PEAK1: variants seen among roughly 807,000 people sequenced by gnomAD.
The protein encoded by PEAK1 is inactive tyrosine-protein kinase PEAK1.
In PEAK1, 54 loss-of-function variants were observed where a neutral mutation model predicts 124.7. The observed-to-expected ratio is 0.43, with a 90% confidence interval of 0.35 to 0.54. The LOEUF is 0.54. PEAK1 is among the 20% of genes least tolerant of loss of function. The pLI is 0.01. For synonymous variants in PEAK1, 719 were observed against 760.0 expected, an observed-to-expected ratio of 0.95 and a Z score of 0.89; for missense variants, 2,046 against 2,134.5, an observed-to-expected ratio of 0.96 and a Z score of 0.82.
In PEAK1 at chr15:77,335,623, C is replaced by T. The variant is rs969133950; in HGVS notation, c.-603+29540G>A. On this transcript the variant is annotated intron_variant, in intron 2 of 9. Coordinates refer to ENST00000682557, the MANE Select transcript of PEAK1 (RefSeq NM_001385026.1). ...CCTCCTGAGTATCTAGGACTACAGGCGTGCACTACCACATGCAGCTAATTT... is the reference window on the plus strand; with the variant it reads ...CCTCCTGAGTATCTAGGACTACAGGTGTGCACTACCACATGCAGCTAATTT... 9.3e-5 allele frequency: 57 copies of T among 615,588 alleles called. No individual in the cohort carries two copies. The African/African-American group carries it at 1.0e-3, about 11-fold the overall frequency. 38.1% of individuals were successfully genotyped at this position (615,588 alleles called of 1,614,324 possible). A position where few individuals can be genotyped will look rare whatever the true frequency, so the allele number is the denominator to read the frequency against.
chr15:77,419,138 C>T (rs910985990), intron 1 of PEAK1: 3 of 985,396 alleles, frequency 3.0e-6, no homozygotes, highest in Non-Finnish European at 3.6e-6. Flanking sequence ...CTCTCAAATT[C>T]CTGAACTTGG....
downstream of PEAK1, chr15:77,104,213 A>G (rs1177706796): frequency 1.3e-5 from 2 of 152,302 alleles, no homozygotes; most frequent in Non-Finnish European, 2.9e-5. Flanking sequence ...TGTAGTGGAG[A>G]GCAAATGAGG....
intron 1 of PEAK1, among the ~76,000 whole-genome samples, chr15:77,377,499 C>CTGGA: frequency 6.7e-6 from 1 of 150,254 alleles, no homozygotes; most frequent in Non-Finnish European, 1.5e-5. Flanking sequence ...GTTGCCCAGG[C>CTGGA]TGGAGTACAA....
intron 6 of PEAK1, among the ~76,000 whole-genome samples, chr15:77,247,671 AG>A (rs1304519556): frequency 6.6e-6 from 1 of 151,566 alleles, no homozygotes; most frequent in Non-Finnish European, 1.5e-5. Context: ...CAGTAGAGAC[AG>A]GATTTCACCA....
chr15:77,381,832 AG>A (rs1451162744), intron 1 of PEAK1, among the ~76,000 whole-genome samples: 1 of 152,196 alleles, frequency 6.6e-6, no homozygotes, highest in African/African-American at 2.4e-5. Flanking sequence ...CTTGATAAAA[AG>A]GGATAGGGCA....
At chr15:77,233,051 T>C (rs987761106) in intron 6 of PEAK1, among the ~76,000 whole-genome samples, 2 of 152,160 alleles carry the variant, frequency 1.3e-5, no homozygotes, top group South Asian at 4.1e-4. Flanking sequence ...CCGGTCCTTT[T>C]TTCTCTTTTG....
chr15:77,298,482 T>A (rs1296154329), intron 2 of PEAK1, among the ~76,000 whole-genome samples: 1 of 151,678 alleles, frequency 6.6e-6, no homozygotes, highest in Non-Finnish European at 1.5e-5. Flanking sequence ...CCTCCCAAAG[T>A]GCTGGGATTA....
At chr15:77,358,412 C>T (rs1225946471) in intron 2 of PEAK1, among the ~76,000 whole-genome samples, 1 of 152,154 alleles carries the variant, frequency 6.6e-6, no homozygotes, top group Non-Finnish European at 1.5e-5. Flanking sequence ...GTCTCCACTG[C>T]TACTAAAAAC....
At chr15:77,269,818 A>G (rs1356340445) in intron 5 of PEAK1, among the ~76,000 whole-genome samples, 1 of 152,188 alleles carries the variant, frequency 6.6e-6, no homozygotes, top group Non-Finnish European at 1.5e-5. Flanking sequence ...ATTGGAAATC[A>G]ACTCCATCTA....
chr15:77,401,533 C>A lies in PEAK1; in HGVS notation c.-666+18473G>T, dbSNP rs1290680505. On this transcript the variant is annotated intron_variant, in intron 1 of 9. Transcript: ENST00000682557. ...GAAGAACAATACTCACCTAAAATCA[C>A]ATTTCTTTTGTTTCTTAAAAAACTC... 5 of 974,852 alleles carry A rather than the reference C, an allele frequency of 5.1e-6. No homozygotes were observed. In the African/African-American group the frequency reaches 8.8e-5, roughly 17 times the overall value. 60.4% of individuals were successfully genotyped at this position (974,852 alleles called of 1,614,324 possible).
intron 1 of PEAK1, among the ~76,000 whole-genome samples, chr15:77,388,766 A>C (rs1462030570): frequency 2.0e-5 from 3 of 151,162 alleles, no homozygotes; most frequent in Non-Finnish European, 4.4e-5. Flanking sequence ...CTACAGTTTC[A>C]AGTTTGAATT....
At chr15:77,173,735 T>A (rs2056666525) in intron 7 of PEAK1, among the ~76,000 whole-genome samples, 1 of 152,228 alleles carries the variant, frequency 6.6e-6, no homozygotes, top group African/African-American at 2.4e-5. Flanking sequence ...CTGCTTCTGT[T>A]TGCCACCAAC....
chr15:77,115,010 T>C lies in PEAK1; in HGVS notation c.4387A>G (p.Thr1463Ala). Residue 1463 changes from threonine (T) to alanine (A), a missense_variant, in exon 10 of 10, where the codon ACC (threonine) becomes GCC (alanine). Transcript: ENST00000682557. ...KKQRSHVVVI[T>A]REVPCLTVAD... ...ACAGTAAGACATGGAACCTCCCTGG[T>C]GATGACCACAACGTGGCTCCTCTGC... 7 of 1,614,108 alleles carry C rather than the reference T, an allele frequency of 4.3e-6. No individual in the cohort carries two copies. The highest frequency in any genetic ancestry group is 5.9e-6 in the Non-Finnish European group (7 of 1,180,022).
intron 2 of PEAK1, among the ~76,000 whole-genome samples, chr15:77,313,644 A>G (rs1267064747): frequency 6.6e-4 from 50 of 75,392 alleles, no homozygotes; most frequent in Non-Finnish European, 8.8e-4. Context: ...GTATGTATGT[A>G]TGTATGTATG....
At chr15:77,254,323 A>G (rs1047999969) in intron 5 of PEAK1, among the ~76,000 whole-genome samples, 1 of 152,058 alleles carries the variant, frequency 6.6e-6, no homozygotes, top group East Asian at 1.9e-4. Flanking sequence ...CATAAGTTTG[A>G]CTGCTTATTA....
intron 7 of PEAK1, chr15:77,178,554 A>C: frequency 2.0e-6 from 1 of 511,558 alleles, no homozygotes; most frequent in Admixed American, 3.4e-5. Flanking sequence ...CTCTGCATTC[A>C]CCAGAATGCA....
intron 8 of PEAK1, among the ~76,000 whole-genome samples, chr15:77,148,620 T>C (rs1170428853): frequency 6.6e-6 from 1 of 152,130 alleles, no homozygotes; most frequent in East Asian, 1.9e-4. Flanking sequence ...ATCTAACATA[T>C]TTAAAGGAGA....
At chr15:77,150,856 G>A (rs2152769654) in intron 8 of PEAK1, among the ~76,000 whole-genome samples, 1 of 152,154 alleles carries the variant, frequency 6.6e-6, no homozygotes, top group Admixed American at 6.5e-5. Context: ...CATTTTTTAT[G>A]GCTGCATAGT....
At chr15:77,287,730 T>C (rs2063000621) in intron 2 of PEAK1, among the ~76,000 whole-genome samples, 1 of 152,198 alleles carries the variant, frequency 6.6e-6, no homozygotes, top group South Asian at 2.1e-4. Context: ...GTTGGATGTT[T>C]CTAACTGAAG....
Sources: gnomAD v4.1 joint callset for allele counts (sites outside exome capture counted in the v4.1 genomes callset) on GRCh38, gnomAD v4.1.1 for gene constraint, MANE v1.5 for transcripts, NCBI Gene and HGNC (gene_info 2026-07-23, HGNC 2026-07-21) for gene names.